Variants in NALF1 observed in about 807,000 individuals in gnomAD.
NALF1 encodes NALCN channel auxiliary factor 1, also known as family with sequence similarity 155 member A.
NALF1 carries 3 observed loss-of-function variants against 48.4 expected under a neutral mutation model. The observed-to-expected ratio is 0.06, with a 90% CI of 0.03 to 0.16. NALF1 has a LOEUF of 0.16. Among genes scored for constraint, NALF1 ranks in the 10% least tolerant of loss-of-function variants. The probability of loss-of-function intolerance (pLI) is 1.00; values close to 1 mark genes in which losing one functional copy is unlikely to be tolerated. For synonymous variants in NALF1, 262 were observed against 245.7 expected (o/e 1.07, Z -0.62); for missense variants, 526 against 571.5 (o/e 0.92, Z 0.81).
At chr13:107,584,581 A>C (rs1443651782) in intron 1 of NALF1, among the ~76,000 whole-genome samples, 1 of 152,208 alleles carries the variant, frequency 6.6e-6, no homozygotes, top group African/African-American at 2.4e-5. Flanking sequence ...CAAGTATCAG[A>C]TTATTCTCAT....
At chr13:107,189,926 T>C (rs375153720) in intron 2 of NALF1, among the ~76,000 whole-genome samples, 1 of 152,336 alleles carries the variant, frequency 6.6e-6, no homozygotes, top group South Asian at 2.1e-4. Flanking sequence ...TGTTGAGTGC[T>C]AGCTACCTCA....
chr13:107,547,632 T>C (rs1461924820), intron 1 of NALF1, among the ~76,000 whole-genome samples: 1 of 152,178 alleles, frequency 6.6e-6, no homozygotes, highest in Non-Finnish European at 1.5e-5. Context: ...CAGCACATGG[T>C]GAAGCCAGTT....
intron 1 of NALF1, among the ~76,000 whole-genome samples, chr13:107,752,894 G>T (rs551357047): frequency 6.6e-6 from 1 of 152,238 alleles, no homozygotes; most frequent in Admixed American, 6.5e-5. Flanking sequence ...AAACAGAAAG[G>T]AATAGAAAAG....
chr13:107,260,710 G>A (rs1270880565), intron 1 of NALF1, among the ~76,000 whole-genome samples: 1 of 152,208 alleles, frequency 6.6e-6, no homozygotes, highest in Admixed American at 6.5e-5. Context: ...TCTGAAGTCA[G>A]ATGACCTGGA....
At chr13:107,419,029 A>C (rs752224770) in intron 1 of NALF1, among the ~76,000 whole-genome samples, 1 of 152,198 alleles carries the variant, frequency 6.6e-6, no homozygotes, top group Non-Finnish European at 1.5e-5. Context: ...TGCAAATATA[A>C]ACAAATATAA....
chr13:107,670,802 G>C (rs374312973), intron 1 of NALF1, among the ~76,000 whole-genome samples: 1 of 152,100 alleles, frequency 6.6e-6, no homozygotes, highest in Non-Finnish European at 1.5e-5. Flanking sequence ...GTTAAGCAAG[G>C]TCTCCTATAC....
chr13:107,344,906 G>T (rs1308277555), intron 1 of NALF1, among the ~76,000 whole-genome samples: 1 of 152,056 alleles, frequency 6.6e-6, no homozygotes, highest in African/African-American at 2.4e-5. Flanking sequence ...TTTCACAGAT[G>T]AGATAAACTT....
At chr13:107,397,019 TGGA>T in intron 1 of NALF1, among the ~76,000 whole-genome samples, 1 of 152,292 alleles carries the variant, frequency 6.6e-6, no homozygotes, top group East Asian at 1.9e-4. Flanking sequence ...GAGGCATATT[TGGA>T]GGATAGAGCA....
intron 1 of NALF1, among the ~76,000 whole-genome samples, chr13:107,341,302 G>A (rs1361697648): frequency 6.6e-6 from 1 of 152,104 alleles, no homozygotes. Context: ...AACATAGAAT[G>A]CAATGGAGAG....
At chr13:107,723,645 T>C (rs933694222) in intron 1 of NALF1, among the ~76,000 whole-genome samples, 15 of 152,194 alleles carry the variant, frequency 9.9e-5, no homozygotes, top group African/African-American at 3.6e-4. Flanking sequence ...AAGTGTTTGA[T>C]TCAACATATG....
chr13:107,502,393 A>G (rs1019470554), intron 1 of NALF1, among the ~76,000 whole-genome samples: 7 of 152,162 alleles, frequency 4.6e-5, no homozygotes, highest in African/African-American at 1.7e-4. Flanking sequence ...TTATGTAAAG[A>G]CATCATATTG....
At chr13:107,345,453 C>A (rs1480218769) in intron 1 of NALF1, among the ~76,000 whole-genome samples, 1 of 152,068 alleles carries the variant, frequency 6.6e-6, no homozygotes, top group African/African-American at 2.4e-5. Context: ...GGCATAAAGA[C>A]AAAGACATAG....
At chr13:107,643,286 C>T (rs1460701564) in intron 1 of NALF1, among the ~76,000 whole-genome samples, 1 of 152,050 alleles carries the variant, frequency 6.6e-6, no homozygotes, top group Non-Finnish European at 1.5e-5. Flanking sequence ...GATGAGGTGG[C>T]TAACTGAATG....
chr13:107,340,489 TTG>T (rs1882656270), intron 1 of NALF1, among the ~76,000 whole-genome samples: 4 of 57,126 alleles, frequency 7.0e-5, no homozygotes, highest in African/African-American at 1.6e-4. Flanking sequence ...TTCTTTCTTT[TTG>T]TCTTTCTTTC....
chr13:107,601,743 A>G lies in NALF1; in HGVS notation c.915+263939T>C, dbSNP rs79200329. 0.022 allele frequency among the ~76,000 whole-genome samples: 3,355 copies of G among 152,058 alleles called. 214 individuals are homozygous for G. In the East Asian group the frequency reaches 0.26, roughly 12 times the overall value. ...TTCAGAGATGAATACAAAACAAAAC[A>G]CACACACACACAATAAAAAAAAATC... is the stretch of plus-strand genomic sequence containing the variant. On this transcript the variant is annotated intron_variant, in intron 1 of 2. Coordinates refer to ENST00000375915, the MANE Select transcript of NALF1 (RefSeq NM_001080396.3).
intron 1 of NALF1, among the ~76,000 whole-genome samples, chr13:107,770,114 C>T (rs901612684): frequency 2.6e-5 from 4 of 152,078 alleles, no homozygotes; most frequent in African/African-American, 7.2e-5. Context: ...GGGGTTTCGC[C>T]GTGTTAGCCA....
At chr13:107,502,253 C>T (rs1409285346) in intron 1 of NALF1, among the ~76,000 whole-genome samples, 2 of 151,962 alleles carry the variant, frequency 1.3e-5, no homozygotes, top group East Asian at 3.9e-4. Flanking sequence ...TGTTTTATTC[C>T]AAAAGGGACT....
chr13:107,372,308 T>C (rs932788999), intron 1 of NALF1, among the ~76,000 whole-genome samples: 3 of 152,262 alleles, frequency 2.0e-5, no homozygotes, highest in Non-Finnish European at 4.4e-5. Context: ...CTATTTTAGA[T>C]ACCCTTCAGG....
chr13:107,450,460 C>T (rs552767644), intron 1 of NALF1, among the ~76,000 whole-genome samples: 1 of 152,046 alleles, frequency 6.6e-6, no homozygotes, highest in Non-Finnish European at 1.5e-5. Context: ...GTGAATAGAG[C>T]TGTTTTTGCA....
Sources: allele counts gnomAD v4.1 joint callset (sites outside exome capture counted in the v4.1 genomes callset), GRCh38; gene constraint gnomAD v4.1.1; transcripts MANE v1.5; gene names NCBI Gene and HGNC (gene_info 2026-07-23, HGNC 2026-07-21).